The following RSRC1 variants were observed in gnomAD, a reference collection of about 807,000 sequenced individuals.
The protein encoded by RSRC1 is arginine and serine rich coiled-coil 1.
In RSRC1, 39 loss-of-function variants were observed where a neutral mutation model predicts 49.1. That is an observed-to-expected ratio of 0.79 (90% confidence interval 0.61 to 1.04). RSRC1 has a LOEUF of 1.04. RSRC1 is among the 50% of genes least tolerant of loss of function. The pLI, the probability that RSRC1 is intolerant of heterozygous loss-of-function variation, is 0.00. For synonymous variants in RSRC1, 143 were observed against 130.8 expected, an observed-to-expected ratio of 1.09 and a Z score of -0.63; for missense variants, 388 against 402.4, an observed-to-expected ratio of 0.96 and a Z score of 0.31.
chr3:158,477,183 G>C (rs1290289145), intron 7 of RSRC1, among the ~76,000 whole-genome samples: 1 of 152,180 alleles, frequency 6.6e-6, no homozygotes, highest in Non-Finnish European at 1.5e-5. Context: ...GGTGAAGACA[G>C]TGTGAACACT....
At chr3:158,204,857 A>T (rs1461012435) in intron 4 of RSRC1, among the ~76,000 whole-genome samples, 1 of 152,148 alleles carries the variant, frequency 6.6e-6, no homozygotes, top group South Asian at 2.1e-4. Context: ...ATTGCATAAA[A>T]TTTATATTAT....
chr3:158,113,376 T>TG lies in RSRC1; in HGVS notation c.-3+3153_-3+3154insG, dbSNP rs1281670827. On this transcript the variant is annotated intron_variant, in intron 1 of 9. Coordinates refer to ENST00000611884, the MANE Select transcript of RSRC1 (RefSeq NM_001271838.2). ...CAGCATCTGTTGTTTTTTGACTTTTTTTTTTTTTTTGAGACGGGAGTCTCA... is the reference window on the plus strand; with the variant it reads ...CAGCATCTGTTGTTTTTTGACTTTTTGTTTTTTTTTTGAGACGGGAGTCTCA... 1.3e-4 allele frequency among the ~76,000 whole-genome samples: 19 copies of TG among 150,972 alleles called. No individual in the cohort carries two copies. The East Asian group carries it at 3.7e-3, about 29-fold the overall frequency.
chr3:158,389,692 GT>G (rs899948818), intron 6 of RSRC1, among the ~76,000 whole-genome samples: 3 of 151,932 alleles, frequency 2.0e-5, no homozygotes, highest in African/African-American at 7.2e-5. Flanking sequence ...ATGTGAAACA[GT>G]TTTTTTTGTG....
chr3:158,208,015 C>T lies in RSRC1; in HGVS notation c.494+4770C>T, dbSNP rs181431665. ...TATTTATCTACAGATTTAGGAAGAC[C>T]TAATATAAACTGGAAAGGTCTCAGG... On this transcript the variant is annotated intron_variant, in intron 4 of 9. Transcript: ENST00000611884. 1.8e-4 allele frequency among the ~76,000 whole-genome samples: 28 copies of T among 152,062 alleles called. No individual in the cohort carries two copies. The East Asian group carries it at 5.2e-3, about 28-fold the overall frequency.
chr3:158,330,701 C>A (rs1450233623), intron 5 of RSRC1, among the ~76,000 whole-genome samples: 2 of 151,986 alleles, frequency 1.3e-5, no homozygotes, highest in Non-Finnish European at 2.9e-5. Flanking sequence ...TTCTCTAGGT[C>A]CCCAAATTGG....
At chr3:158,543,627 GC>G in intron 9 of RSRC1, 140 bp downstream of exon 9, 4 of 801,670 alleles carry the variant, frequency 5.0e-6, no homozygotes, top group Non-Finnish European at 3.8e-6. Flanking sequence ...TAGGCATCTG[GC>G]CCCCAGGCCT....
At chr3:158,537,550 T>C (rs1576615514) in intron 8 of RSRC1, among the ~76,000 whole-genome samples, 1 of 151,608 alleles carries the variant, frequency 6.6e-6, no homozygotes, top group African/African-American at 2.4e-5. Context: ...TTGACATTGC[T>C]AGAGAAAAGT....
At chr3:158,519,310 C>A (rs115539056) in intron 7 of RSRC1, among the ~76,000 whole-genome samples, 22 of 152,126 alleles carry the variant, frequency 1.4e-4, no homozygotes, top group African/African-American at 5.3e-4. Flanking sequence ...TACTCTCTTA[C>A]ATTAGAGTGA....
intron 7 of RSRC1, among the ~76,000 whole-genome samples, chr3:158,504,981 T>G (rs978660031): frequency 1.3e-5 from 2 of 152,242 alleles, no homozygotes; most frequent in African/African-American, 4.8e-5. Context: ...GAGGTTTCAT[T>G]TGTCAAAGTT....
intron 7 of RSRC1, among the ~76,000 whole-genome samples, chr3:158,471,480 G>C (rs1383857900): frequency 6.6e-6 from 1 of 152,170 alleles, no homozygotes; most frequent in Non-Finnish European, 1.5e-5. Context: ...CCACTGGCTA[G>C]AGAAGGAGAG....
chr3:158,190,092 C>T (rs1183112682), intron 3 of RSRC1, among the ~76,000 whole-genome samples: 4 of 151,850 alleles, frequency 2.6e-5, no homozygotes, highest in African/African-American at 9.7e-5. Context: ...AAATTAAAGC[C>T]ATTGTTTTGC....
intron 4 of RSRC1, among the ~76,000 whole-genome samples, chr3:158,208,335 C>T (rs1024072998): frequency 3.3e-5 from 5 of 151,888 alleles, no homozygotes; most frequent in African/African-American, 9.7e-5. Context: ...ATGGCTACTC[C>T]GTAGTCAGAG....
At chr3:158,433,697 G>C (rs1735896452) in intron 6 of RSRC1, among the ~76,000 whole-genome samples, 1 of 151,906 alleles carries the variant, frequency 6.6e-6, no homozygotes, top group Non-Finnish European at 1.5e-5. Context: ...TGGTTTGAAA[G>C]TTAAATCTAT....
intron 7 of RSRC1, among the ~76,000 whole-genome samples, chr3:158,477,243 G>A (rs1037215250): frequency 2.0e-5 from 3 of 152,106 alleles, no homozygotes; most frequent in Non-Finnish European, 1.5e-5. Context: ...AGTTGATAAA[G>A]CAGTGGCAGG....
intron 4 of RSRC1, among the ~76,000 whole-genome samples, chr3:158,207,086 G>A (rs532677917): frequency 3.3e-5 from 5 of 152,204 alleles, no homozygotes; most frequent in South Asian, 2.1e-4. Context: ...GCTAATAAAC[G>A]GCAGAGTTAG....
At chr3:158,249,234 T>A (rs1724072294) in intron 4 of RSRC1, among the ~76,000 whole-genome samples, 1 of 152,200 alleles carries the variant, frequency 6.6e-6, no homozygotes, top group African/African-American at 2.4e-5. Context: ...ACAATTAAGA[T>A]AGTGAACTTA....
intron 7 of RSRC1, among the ~76,000 whole-genome samples, chr3:158,500,778 A>G (rs1219096721): frequency 6.6e-6 from 1 of 151,974 alleles, no homozygotes; most frequent in Non-Finnish European, 1.5e-5. Flanking sequence ...CTTGTTAATT[A>G]TCTATCAATT....
At chr3:158,526,359 T>A (rs1024737527) in intron 7 of RSRC1, among the ~76,000 whole-genome samples, 1 of 151,988 alleles carries the variant, frequency 6.6e-6, no homozygotes, top group Non-Finnish European at 1.5e-5. Flanking sequence ...AAGACTTGGT[T>A]TCATATCCAA....
chr3:158,306,225 C>T (rs1228722459), intron 5 of RSRC1, among the ~76,000 whole-genome samples: 1 of 151,880 alleles, frequency 6.6e-6, no homozygotes, highest in East Asian at 1.9e-4. Context: ...ATAGTTACCA[C>T]TCATCTCCTG....
Sources: allele counts gnomAD v4.1 joint callset (sites outside exome capture counted in the v4.1 genomes callset), GRCh38; gene constraint gnomAD v4.1.1; transcripts MANE v1.5; gene names NCBI Gene and HGNC (gene_info 2026-07-23, HGNC 2026-07-21).